GPX6: variants seen among roughly 807,000 people sequenced by gnomAD.
GPX6 encodes glutathione peroxidase 6 (olfactory).
GPX6 carries 21 observed loss-of-function variants against 20.0 expected under a neutral mutation model. That is an observed-to-expected ratio of 1.05 (90% CI 0.74 to 1.51). The LOEUF (loss-of-function observed/expected upper bound fraction) is 1.51. Among genes scored for constraint, GPX6 ranks in the 40% most tolerant of loss-of-function variants. The pLI, the probability that GPX6 is intolerant of heterozygous loss-of-function variation, is 0.00. For missense variants in GPX6, 233 were observed against 254.7 expected, an observed-to-expected ratio of 0.91 and a Z score of 0.58; for synonymous variants, 75 against 98.0, an observed-to-expected ratio of 0.77 and a Z score of 1.38.
At chr6:28,509,161 T>G (rs1022587062) in intron 2 of GPX6, among the ~76,000 whole-genome samples, 6 of 151,904 alleles carry the variant, frequency 3.9e-5, no homozygotes, top group Non-Finnish European at 8.8e-5. Flanking sequence ...ATTGATAGGG[T>G]TTATATATTT....
At chr6:28,506,816 A>G (rs1040443924) in intron 2 of GPX6, among the ~76,000 whole-genome samples, 2 of 151,862 alleles carry the variant, frequency 1.3e-5, no homozygotes, top group African/African-American at 4.8e-5. Flanking sequence ...TTAGTTGATG[A>G]ATTGATCAAA....
rs773860888 is a variant in GPX6 at position 28,504,446 on chromosome 6, C to T, written c.512G>A (p.Trp171Ter). 1.2e-6 allele frequency: 2 copies of T among 1,614,086 alleles called. No homozygotes were observed. The highest frequency in any genetic ancestry group is 1.7e-6 in the Non-Finnish European group (2 of 1,180,032). Residue 171 changes from tryptophan to a stop codon, truncating the protein, a stop_gained, in exon 5 of 5, where the codon TGG (tryptophan) becomes TAG (stop). Transcript: ENST00000361902. LOFTEE classifies it high-confidence loss of function. ...GATATCATGGACCTTCATGGGCTCC[C>T]AGAAGAGTTGGCTTGATGAGCCCAA... ...DLLGSSSQLFWEPMKVHDIRW... is the reference protein window; with the variant it reads ...DLLGSSSQLF
At position 28,504,214 on chromosome 6, in the gene GPX6, G is replaced by A. The variant is rs891157654; in HGVS notation, c.*78C>T. 22 of 1,422,204 alleles carry A rather than the reference G, an allele frequency of 1.5e-5. No individual in the cohort carries two copies. The East Asian group carries it at 4.6e-4, about 30-fold the overall frequency. The allele number at this position is 1,422,204 out of a possible 1,614,324, so 88.1% of individuals were successfully genotyped here. On this transcript the variant is annotated 3_prime_UTR_variant, in exon 5 of 5. Coordinates refer to ENST00000361902, the MANE Select transcript of GPX6 (RefSeq NM_182701.1). ...GTAGGCACGAGTGTGGAGCAAAGAA[G>A]GAGGAAGATGGATGCTTTGTTAGAC...
intron 1 of GPX6, among the ~76,000 whole-genome samples, chr6:28,512,340 T>C (rs1458775748): frequency 6.6e-6 from 1 of 152,240 alleles, no homozygotes; most frequent in Non-Finnish European, 1.5e-5. Flanking sequence ...TCAAGGTTTG[T>C]AAACACACCA....
intron 1 of GPX6, among the ~76,000 whole-genome samples, chr6:28,513,842 T>G (rs1762973627): frequency 6.6e-6 from 1 of 151,972 alleles, no homozygotes; most frequent in Admixed American, 6.6e-5. Flanking sequence ...GTGGGCAGAG[T>G]GGGGCAAGAA....
chr6:28,511,869 G>A (rs1223537901), intron 1 of GPX6, among the ~76,000 whole-genome samples: 2 of 152,376 alleles, frequency 1.3e-5, no homozygotes, highest in African/African-American at 2.4e-5. Flanking sequence ...CCAGGGCTGC[G>A]CGTGGCACTT....
At chr6:28,511,069 C>G (rs1327507671) in intron 1 of GPX6, among the ~76,000 whole-genome samples, 165 bp from the exon 2 acceptor site, 2 of 152,112 alleles carry the variant, frequency 1.3e-5, no homozygotes, top group Non-Finnish European at 2.9e-5. Context: ...GATGCCATAG[C>G]TAGAATTTAT....
At position 28,504,132 on chromosome 6, in the gene GPX6, A is replaced by C; in HGVS notation, c.*160T>G. On this transcript the variant is annotated 3_prime_UTR_variant, in exon 5 of 5. Transcript: ENST00000361902. ...CACACACACACACACACAGCTACAC[A>C]CACATGCTAAGCAGGTGCTTGGGTA... 1 of 634,466 alleles carries C rather than the reference A, an allele frequency of 1.6e-6. No homozygotes were observed. The highest frequency in any genetic ancestry group is 2.8e-6 in the Non-Finnish European group (1 of 356,910). 39.3% of individuals were successfully genotyped at this position (634,466 alleles called of 1,614,324 possible). A position where few individuals can be genotyped will look rare whatever the true frequency, so the allele number is the denominator to read the frequency against.
chr6:28,511,483 G>T (rs563648836), intron 1 of GPX6, among the ~76,000 whole-genome samples: 5 of 152,232 alleles, frequency 3.3e-5, no homozygotes, highest in Non-Finnish European at 7.3e-5. Context: ...TCGGGCCTGT[G>T]CCTACGGACC....
At chr6:28,513,054 A>G (rs1762933471) in intron 1 of GPX6, among the ~76,000 whole-genome samples, 2 of 152,198 alleles carry the variant, frequency 1.3e-5, no homozygotes, top group South Asian at 2.1e-4. Flanking sequence ...GTAGGAGCAC[A>G]CTGGAAGGCC....
intron 1 of GPX6, among the ~76,000 whole-genome samples, chr6:28,512,918 G>A (rs1416666447): frequency 1.3e-5 from 2 of 152,012 alleles, no homozygotes; most frequent in South Asian, 2.1e-4. Context: ...CCACAAACCC[G>A]CCAGAAGGAA....
intron 1 of GPX6, among the ~76,000 whole-genome samples, chr6:28,512,632 G>T (rs116368672): frequency 6.6e-6 from 1 of 152,188 alleles, no homozygotes; most frequent in Non-Finnish European, 1.5e-5. Flanking sequence ...AGCAGTGGCA[G>T]CCCCCGTGGG....
chr6:28,513,227 C>T lies in GPX6; in HGVS notation c.88-2323G>A, dbSNP rs577007790. Among the ~76,000 whole-genome samples the T allele has an allele frequency of 4.6e-5, 7 of 152,304 alleles. No homozygotes were observed. In the South Asian group the frequency reaches 6.2e-4, roughly 14 times the overall value. On this transcript the variant is annotated intron_variant, in intron 1 of 4. Transcript: ENST00000361902. ...CTTCTCGTAAACCAAGGCAAGATCC[C>T]TGGGATACAGAAAGTCCTCTGTCTT...
In GPX6 at chr6:28,504,429, GGA is replaced by G; in HGVS notation, c.527_528del (p.Val176AlafsTer?). The G allele has an allele frequency of 6.2e-7, 1 of 1,614,134 alleles. No individual in the cohort carries two copies. On this transcript the variant is annotated frameshift_variant, in exon 5 of 5. Transcript: ENST00000361902. LOFTEE classifies it high-confidence loss of function. ...SSQLFWEPMK[V>X]HDIRWNFEKF... ...TTCTCAAAGTTCCAGCGGATATCATGGACCTTCATGGGCTCCCAGAAGAGTTG... is the reference window on the plus strand; with the variant it reads ...TTCTCAAAGTTCCAGCGGATATCATGCCTTCATGGGCTCCCAGAAGAGTTG...
Position 28,504,022 on chromosome 6 carries a change from A to AACAC in GPX6, c.*266_*269dup, listed in dbSNP as rs67996303. ...TAGGTGTTCTTTTCCTTAATCTTCA[A>AACAC]ACACACACACACACACACACACACA... is the stretch of plus-strand genomic sequence containing the variant. On this transcript the variant is annotated 3_prime_UTR_variant, in exon 5 of 5. Coordinates refer to ENST00000361902, the MANE Select transcript of GPX6 (RefSeq NM_182701.1). 0.029 allele frequency: 9,991 copies of AACAC among 338,744 alleles called. 211 individuals are homozygous for AACAC. The highest frequency in any genetic ancestry group is 0.083 in the African/African-American group (3,777 of 45,462). The allele number at this position is 338,744 out of a possible 1,614,324, so 21.0% of individuals were successfully genotyped here.
chr6:28,504,509 G>T lies in GPX6; in HGVS notation c.460-11C>A, dbSNP rs749058162. On this transcript the variant is annotated splice_polypyrimidine_tract_variant and intron_variant, in intron 4 of 4. Coordinates refer to ENST00000361902, the MANE Select transcript of GPX6 (RefSeq NM_182701.1). ...CGGAGGGCAGGAGTTCTGGAGCAGA[G>T]ATATAGAAAGTAGAGATATACATTT... 5.0e-6 allele frequency: 8 copies of T among 1,610,200 alleles called. No homozygotes were observed. The highest frequency in any genetic ancestry group is 8.5e-7 in the Non-Finnish European group (1 of 1,177,232).
rs1443866649 is a variant in GPX6 at position 28,513,651 on chromosome 6, TAAAAGGCATACAGAACCTGGAAC to T, written c.87+1983_87+2005del. Among the ~76,000 whole-genome samples, 3 of 152,190 alleles carry T rather than the reference TAAAAGGCATACAGAACCTGGAAC, an allele frequency of 2.0e-5. No homozygotes were observed. The East Asian group carries it at 5.8e-4, about 29-fold the overall frequency. On this transcript the variant is annotated intron_variant, in intron 1 of 4. Coordinates refer to ENST00000361902, the MANE Select transcript of GPX6 (RefSeq NM_182701.1). The stretch of plus-strand genomic sequence containing the variant: ...TTTCTACCCACAAGCATGCCAAGAA[TAAAAGGCATACAGAACCTGGAAC>T]AAAAGGCTAACATGTTATGTGGTAA...
intron 1 of GPX6, 23 bp downstream of exon 1, chr6:28,515,634 C>T (rs6920813): frequency 0.049 from 78,750 of 1,597,018 alleles, 3,393 homozygotes; most frequent in East Asian, 0.25. Flanking sequence ...GGAATCAGCT[C>T]GGATCCCCTG....
intron 1 of GPX6, among the ~76,000 whole-genome samples, chr6:28,513,350 T>G (rs1394971527): frequency 6.6e-6 from 1 of 152,174 alleles, no homozygotes; most frequent in Non-Finnish European, 1.5e-5. Flanking sequence ...GCTTCAGTTG[T>G]AAACATTCAC....
Sources: gnomAD v4.1 joint callset for allele counts (sites outside exome capture counted in the v4.1 genomes callset) on GRCh38, gnomAD v4.1.1 for gene constraint, MANE v1.5 for transcripts, NCBI Gene and HGNC (gene_info 2026-07-23, HGNC 2026-07-21) for gene names.